PHF24: variants seen among roughly 807,000 people sequenced by gnomAD.
The protein encoded by PHF24 is Galpha inhibitory interacting protein.
PHF24 carries 25 observed loss-of-function variants against 42.6 expected under a neutral mutation model. The observed-to-expected ratio is 0.59, with a 90% CI of 0.43 to 0.82. PHF24 has a LOEUF of 0.82. PHF24 is among the 40% of genes least tolerant of loss of function. PHF24 has a pLI of 0.00. For synonymous variants in PHF24, 185 were observed against 204.8 expected (o/e 0.90, Z 0.83); for missense variants, 470 against 538.1 (o/e 0.87, Z 1.25).
chr9:34,846,020 T>A, the PHF24 span, among the ~76,000 whole-genome samples: 1 of 152,156 alleles, frequency 6.6e-6, no homozygotes, highest in Non-Finnish European at 1.5e-5. Context: ...ATGGGTTGGT[T>A]CCAAGTCTTT....
chr9:34,777,904 G>A, the PHF24 span, among the ~76,000 whole-genome samples: 1 of 152,184 alleles, frequency 6.6e-6, no homozygotes, highest in African/African-American at 2.4e-5. Context: ...TTAGTTTTAG[G>A]GCCCACAAGG....
the PHF24 span, among the ~76,000 whole-genome samples, chr9:34,910,366 G>A: frequency 2.6e-5 from 4 of 151,786 alleles, no homozygotes; most frequent in Non-Finnish European, 2.9e-5. Context: ...CTGTTATTAC[G>A]TGCATACTCT....
At chr9:34,822,646 A>G in the PHF24 span, among the ~76,000 whole-genome samples, 2 of 152,208 alleles carry the variant, frequency 1.3e-5, no homozygotes, top group African/African-American at 4.8e-5. Flanking sequence ...GCAATGGATG[A>G]CAGTTTCCAA....
At chr9:34,876,373 T>C in the PHF24 span, among the ~76,000 whole-genome samples, 1 of 152,062 alleles carries the variant, frequency 6.6e-6, no homozygotes, top group African/African-American at 2.4e-5. Flanking sequence ...TAAGTACATA[T>C]TACTAAGTGA....
At chr9:34,907,502 C>T in the PHF24 span, among the ~76,000 whole-genome samples, 81,625 of 151,960 alleles carry the variant, frequency 0.54, 22,195 homozygotes, top group Middle Eastern at 0.61. Flanking sequence ...GACATTTCCC[C>T]TTTGCCACCT....
chr9:34,836,079 A>G, the PHF24 span: 29 of 551,214 alleles, frequency 5.3e-5, no homozygotes, highest in Middle Eastern at 3.0e-4. Context: ...GGCAAACATT[A>G]ATGATGGAGT....
At chr9:34,861,243 C>T in the PHF24 span, among the ~76,000 whole-genome samples, 1 of 152,122 alleles carries the variant, frequency 6.6e-6, no homozygotes, top group Non-Finnish European at 1.5e-5. Flanking sequence ...CACAGTGCTG[C>T]TAGAGTTAGG....
At chr9:34,765,691 C>T in the PHF24 span, among the ~76,000 whole-genome samples, 140,310 of 149,846 alleles carry the variant, frequency 0.94, 66,167 homozygotes, top group Non-Finnish European at 0.99. Context: ...GAGCATTTAG[C>T]CCATTTACAT....
At chr9:34,798,086 T>C in the PHF24 span, among the ~76,000 whole-genome samples, 7 of 152,156 alleles carry the variant, frequency 4.6e-5, no homozygotes, top group Non-Finnish European at 1.0e-4. Flanking sequence ...GGGGAGATCT[T>C]TGAGGTGATG....
chr9:34,728,778 C>G, the PHF24 span: 3 of 856,348 alleles, frequency 3.5e-6, no homozygotes, highest in Non-Finnish European at 5.5e-6. Flanking sequence ...ATTTTATACA[C>G]TCTCCTGGAC....
chr9:34,792,596 G>A, the PHF24 span, among the ~76,000 whole-genome samples: 964 of 152,096 alleles, frequency 6.3e-3, 8 homozygotes, highest in Middle Eastern at 0.037. Flanking sequence ...GCTTGAACCC[G>A]GGAGGCGAAG....
the PHF24 span, among the ~76,000 whole-genome samples, chr9:34,742,320 G>A: frequency 1.3e-5 from 2 of 152,194 alleles, no homozygotes; most frequent in Admixed American, 1.3e-4. Flanking sequence ...AGCAGAGCTG[G>A]GAGTGAGAGT....
chr9:34,931,606 A>G, the PHF24 span, among the ~76,000 whole-genome samples: 1 of 152,144 alleles, frequency 6.6e-6, no homozygotes, highest in Non-Finnish European at 1.5e-5. Flanking sequence ...TAAAAAATTA[A>G]GAAGTGTGTG....
the PHF24 span, chr9:34,835,860 T>G: frequency 8.2e-7 from 1 of 1,222,296 alleles, no homozygotes; most frequent in Non-Finnish European, 1.2e-6. Context: ...GCTCAAAGGA[T>G]ACACTAGACA....
chr9:34,720,841 T>G, the PHF24 span, among the ~76,000 whole-genome samples: 3 of 152,180 alleles, frequency 2.0e-5, no homozygotes, highest in Non-Finnish European at 4.4e-5. Flanking sequence ...AGCAGCAGCT[T>G]TGATCACCTT....
chr9:34,723,328 T>C, the PHF24 span: 3 of 1,551,674 alleles, frequency 1.9e-6, no homozygotes, highest in Middle Eastern at 1.7e-4. Flanking sequence ...AGCCAGGTTG[T>C]CTGGAGTGTA....
At chr9:34,707,380 A>G in the PHF24 span, among the ~76,000 whole-genome samples, 1 of 152,302 alleles carries the variant, frequency 6.6e-6, no homozygotes, top group Admixed American at 6.5e-5. Flanking sequence ...ACCTTTGCAT[A>G]ACCCTTGGCA....
chr9:34,975,204 G>T (rs1175251953), intron 3 of PHF24, among the ~76,000 whole-genome samples: 7 of 152,024 alleles, frequency 4.6e-5, no homozygotes, highest in Admixed American at 4.6e-4. Context: ...TTCATAGTAG[G>T]CCCCCTCCTT....
At chr9:34,773,764 G>A in the PHF24 span, among the ~76,000 whole-genome samples, 1 of 152,176 alleles carries the variant, frequency 6.6e-6, no homozygotes, top group South Asian at 2.1e-4. Context: ...CAGTAGAGGA[G>A]CCTCCTGCAA....
Sources: gnomAD v4.1 joint callset for allele counts (sites outside exome capture counted in the v4.1 genomes callset) on GRCh38, gnomAD v4.1.1 for gene constraint, MANE v1.5 for transcripts, NCBI Gene and HGNC (gene_info 2026-07-23, HGNC 2026-07-21) for gene names.